Variants in POLL observed in about 807,000 individuals in gnomAD.
The protein encoded by POLL is DNA polymerase beta-2.
Under a neutral mutation model 58.1 loss-of-function variants are expected in POLL, and 44 were observed. That is an observed-to-expected ratio of 0.76 (90% CI 0.60 to 0.97). The LOEUF (loss-of-function observed/expected upper bound fraction) is 0.97, where lower values mean the gene tolerates loss of function less well. POLL is among the 50% of genes least tolerant of loss of function. POLL has a pLI of 0.00. For missense variants in POLL, 632 were observed against 736.8 expected (o/e 0.86, Z 1.65); for synonymous variants, 290 against 283.2 (o/e 1.02, Z -0.24).
At chr10:101,583,750 G>T in intron 5 of POLL, 69 bp from the exon 6 acceptor site, 2 of 1,393,510 alleles carry the variant, frequency 1.4e-6, no homozygotes, top group Non-Finnish European at 2.0e-6. Context: ...CAGTGGAAAG[G>T]AAGCTGACTC....
intron 2 of POLL, among the ~76,000 whole-genome samples, chr10:101,586,903 A>T (rs998068405): frequency 6.6e-6 from 1 of 152,138 alleles, no homozygotes; most frequent in Non-Finnish European, 1.5e-5. Context: ...TCTGCCATTT[A>T]TTTGCCAATT....
At chr10:101,582,587 C>T (rs536143032) in intron 7 of POLL, among the ~76,000 whole-genome samples, 176 bp downstream of exon 7, 1 of 152,124 alleles carries the variant, frequency 6.6e-6, no homozygotes, top group African/African-American at 2.4e-5. Context: ...AAGCTCCCCA[C>T]CCCCACCTCT....
At chr10:101,581,086 C>T (rs2062959466) in intron 7 of POLL, 1 of 152,280 alleles carries the variant, frequency 6.6e-6, no homozygotes, top group Admixed American at 6.5e-5. Flanking sequence ...AAAATAAACC[C>T]ATTAGCCTCC....
chr10:101,585,346 C>G lies in POLL; in HGVS notation c.543G>C (p.Lys181Asn), dbSNP rs758637429. 1 of 1,589,714 alleles carries G rather than the reference C, an allele frequency of 6.3e-7. No homozygotes were observed. Among genetic ancestry groups the G allele is most frequent in the East Asian group, 2.3e-5 (1 of 44,020 alleles). Residue 181 changes from lysine (K) to asparagine (N), a missense_variant, in exon 4 of 9, where the codon AAG (lysine) becomes AAC (asparagine). Lys to Asn is a moderately conservative substitution (Grantham distance 94). Coordinates refer to ENST00000370162, the MANE Select transcript of POLL (RefSeq NM_001174084.2). Reference protein sequence around the residue: ...PPTRPVSPPQKAKEAPNTQAQ... With the variant: ...PPTRPVSPPQNAKEAPNTQAQ... ...CTTGGGTGTTTGGTGCCTCTTTTGC[C>G]TTTTGGGGAGGAGACACAGGCCTGG...
intron 4 of POLL, 74 bp from the exon 5 acceptor site, chr10:101,584,993 T>A: frequency 4.3e-5 from 29 of 667,500 alleles, no homozygotes; most frequent in Non-Finnish European, 5.6e-5. Flanking sequence ...GTGGGGGTCA[T>A]CTTCTTTGTG....
In POLL at chr10:101,587,423, A is replaced by T. The variant is rs776042799; in HGVS notation, c.-46-17T>A. The T allele has an allele frequency of 8.8e-6, 14 of 1,599,068 alleles. No homozygotes were observed. The highest frequency in any genetic ancestry group is 1.1e-5 in the Non-Finnish European group (13 of 1,172,564). ...TCAGGGCTGCTGCACGTGGAAATCC[A>T]GAATTGAGGCCCTCCAACCCCTTTG... On this transcript the variant is annotated splice_polypyrimidine_tract_variant and intron_variant, in intron 1 of 8. Transcript: ENST00000370162.
rs556840960 is a variant in POLL, at chr10:101,586,379, C to T, written c.116-223G>A. ...TAAGGGACAAGGATTTTCATACGTC[C>T]TGTTCCTTGGTGCAATCTAGAAGTG... On this transcript the variant is annotated intron_variant, in intron 2 of 8. Transcript: ENST00000370162. Among the ~76,000 whole-genome samples, 3 of 152,348 alleles carry T rather than the reference C, an allele frequency of 2.0e-5. No homozygotes were observed. In the East Asian group the frequency reaches 5.8e-4, roughly 29 times the overall value.
In POLL at chr10:101,580,492, C is replaced by T; in HGVS notation, c.1195-76G>A. ...TCCCACAGCAGTACAAGGGCCTTCC[C>T]AGACTCGGGCCCACACCCTCAGCTT... On this transcript the variant is annotated intron_variant, in intron 7 of 8. Coordinates refer to ENST00000370162, the MANE Select transcript of POLL (RefSeq NM_001174084.2). This position sits in a 1 kb window ranked among gnomAD's most constrained non-coding sequence, Gnocchi z 4.1. 2 of 1,349,698 alleles carry T rather than the reference C, an allele frequency of 1.5e-6. No individual in the cohort carries two copies. The highest frequency in any genetic ancestry group is 2.1e-6 in the Non-Finnish European group (2 of 965,282). 83.6% of individuals were successfully genotyped at this position (1,349,698 alleles called of 1,614,324 possible). A position where few individuals can be genotyped will look rare whatever the true frequency, so the allele number is the denominator to read the frequency against.
At chr10:101,585,681 C>T (rs987138513) in intron 3 of POLL, among the ~76,000 whole-genome samples, 181 bp downstream of exon 3, 1 of 152,156 alleles carries the variant, frequency 6.6e-6, no homozygotes, top group Non-Finnish European at 1.5e-5. Flanking sequence ...AGGCTCACTG[C>T]AGCCTTAACC....
In POLL at chr10:101,588,060, G is replaced by A. The variant is rs1162870079; in HGVS notation, c.-285C>T. 2 of 1,449,926 alleles carry A rather than the reference G, an allele frequency of 1.4e-6. No homozygotes were observed. Among genetic ancestry groups the A allele is most frequent in the Non-Finnish European group, 1.8e-6 (2 of 1,092,408 alleles). The allele number at this position is 1,449,926 out of a possible 1,614,324, so 89.8% of individuals were successfully genotyped here. On this transcript the variant is annotated 5_prime_UTR_variant, in exon 1 of 9. Transcript: ENST00000370162. ...CGTGTACGCAGCTGGCGCAGGCCAG[G>A]GAATCCCAGCTCGGGGCTAGAAGAA...
rs747457989 is a variant in POLL, at chr10:101,588,112, A to G, written c.-337T>C. On this transcript the variant is annotated 5_prime_UTR_variant, in exon 1 of 9. Transcript: ENST00000370162. The stretch of plus-strand genomic sequence containing the variant: ...GCTGGAGTGCCCGACCCCGGCCCCA[A>G]GAGTCTCTCCAACCCCCAGAGTCGG... The G allele has an allele frequency of 1.3e-6, 2 of 1,513,004 alleles. No individual in the cohort carries two copies. Among genetic ancestry groups the G allele is most frequent in the Non-Finnish European group, 1.8e-6 (2 of 1,132,894 alleles). 93.7% of individuals were successfully genotyped at this position (1,513,004 alleles called of 1,614,324 possible). A position where few individuals can be genotyped will look rare whatever the true frequency, so the allele number is the denominator to read the frequency against.
rs756482403 is a variant in POLL, at chr10:101,584,713, C to T, written c.780G>A (p.Leu260=). Residue 260 remains leucine (L), a synonymous_variant, in exon 5 of 9, where the codon CTG becomes CTA. Transcript: ENST00000370162. ...TNHNLHITEK[L]EVLAKAYSVQ... Reference sequence around the variant, plus strand: ...CACTGTAGGCTTTGGCCAGAACTTCCAGCTTCTCTGTGATATGGAGGTTGT... The same window carrying T: ...CACTGTAGGCTTTGGCCAGAACTTCTAGCTTCTCTGTGATATGGAGGTTGT... 3.7e-6 allele frequency: 6 copies of T among 1,614,024 alleles called. No individual in the cohort carries two copies. Among genetic ancestry groups the T allele is most frequent in the African/African-American group, 1.3e-5 (1 of 74,942 alleles).
chr10:101,585,549 C>T, intron 3 of POLL, 71 bp from the exon 4 acceptor site: 1 of 1,314,834 alleles, frequency 7.6e-7, no homozygotes, highest in Non-Finnish European at 1.0e-6. Context: ...TCCTTCTGTA[C>T]TCTGAAATAC....
At chr10:101,585,665 C>T (rs954446312) in intron 3 of POLL, among the ~76,000 whole-genome samples, 187 bp from the exon 4 acceptor site, 3 of 152,002 alleles carry the variant, frequency 2.0e-5, no homozygotes, top group African/African-American at 7.3e-5. Flanking sequence ...TACAGTGGTA[C>T]GATCAAGGCT....
At chr10:101,585,291 T>G in intron 4 of POLL, 25 bp downstream of exon 4, 2 of 1,496,460 alleles carry the variant, frequency 1.3e-6, no homozygotes, top group Non-Finnish European at 8.9e-7. Context: ...GGGAAGGGAG[T>G]TCTGAGGGAT....
At position 101,580,504 on chromosome 10, in the gene POLL, C is replaced by A. The variant is rs1343778291; in HGVS notation, c.1195-88G>T. 8.2e-7 allele frequency: 1 copy of A among 1,223,132 alleles called. No homozygotes were observed. Among genetic ancestry groups the A allele is most frequent in the Admixed American group, 2.0e-5 (1 of 50,596 alleles). 75.8% of individuals were successfully genotyped at this position (1,223,132 alleles called of 1,614,324 possible). A position where few individuals can be genotyped will look rare whatever the true frequency, so the allele number is the denominator to read the frequency against. ...ACAAGGGCCTTCCCAGACTCGGGCC[C>A]ACACCCTCAGCTTATGCCCATTCCA... is the stretch of plus-strand genomic sequence containing the variant. On this transcript the variant is annotated intron_variant, in intron 7 of 8. Transcript: ENST00000370162. This position sits in a 1 kb window ranked among gnomAD's most constrained non-coding sequence, Gnocchi z 4.1.
In POLL at chr10:101,585,923, A is replaced by G. The variant is rs1373658151; in HGVS notation, c.349T>C (p.Leu117=). 5 of 1,612,194 alleles carry G rather than the reference A, an allele frequency of 3.1e-6. No homozygotes were observed. Among genetic ancestry groups the G allele is most frequent in the Non-Finnish European group, 4.2e-6 (5 of 1,178,490 alleles). The change falls in exon 3 of 9, where the codon TTG becomes CTG. Residue 117 remains leucine, a synonymous_variant. Transcript: ENST00000370162. ...ACCAGCCTCCTCTCCTGAAGGCACAAGCTCAGCCAGGCTGACTTCACCAGC... is the reference window on the plus strand; with the variant it reads ...ACCAGCCTCCTCTCCTGAAGGCACAGGCTCAGCCAGGCTGACTTCACCAGC... ...AQLVKSAWLS[L]CLQERRLVDV...
chr10:101,584,719 C>A lies in POLL; in HGVS notation c.774G>T (p.Glu258Asp). ...KATNHNLHIT[E>D]KLEVLAKAYS... ...AGGCTTTGGCCAGAACTTCCAGCTT[C>A]TCTGTGATATGGAGGTTGTGATTGG... is the stretch of plus-strand genomic sequence containing the variant. Residue 258 changes from glutamate to aspartate, a missense_variant, in exon 5 of 9, where the codon GAG (glutamate) becomes GAT (aspartate). Physicochemically the swap from Glu to Asp is conservative, Grantham distance 45 (BLOSUM62 2). Coordinates refer to ENST00000370162, the MANE Select transcript of POLL (RefSeq NM_001174084.2). 1.2e-6 allele frequency: 2 copies of A among 1,614,144 alleles called. No homozygotes were observed. Among genetic ancestry groups the A allele is most frequent in the Non-Finnish European group, 1.7e-6 (2 of 1,180,000 alleles).
intron 6 of POLL, chr10:101,583,249 C>T: frequency 3.4e-6 from 2 of 595,526 alleles, no homozygotes; most frequent in Non-Finnish European, 6.0e-6. Flanking sequence ...CTCAGGAAGG[C>T]CCTTGCTGGT....
Sources: allele counts gnomAD v4.1 joint callset (sites outside exome capture counted in the v4.1 genomes callset), GRCh38; gene constraint gnomAD v4.1.1; non-coding constraint Gnocchi (gnomAD v3.1); transcripts MANE v1.5; gene names NCBI Gene and HGNC (gene_info 2026-07-23, HGNC 2026-07-21).